PCDH15: variants seen among roughly 807,000 people sequenced by gnomAD.
The protein encoded by PCDH15 is protocadherin-15.
PCDH15 carries 129 observed loss-of-function variants against 178.5 expected under a neutral mutation model. The ratio of observed to expected loss-of-function variants is 0.72; its 90% CI spans 0.63 to 0.84. The LOEUF is 0.84. Ranked by LOEUF, PCDH15 falls within the 40% of genes least tolerant of loss-of-function variation. The probability of loss-of-function intolerance (pLI) is 0.00; values close to 1 mark genes in which losing one functional copy is unlikely to be tolerated. For synonymous variants in PCDH15, 800 were observed against 732.0 expected, an observed-to-expected ratio of 1.09 and a Z score of -1.50; for missense variants, 2,230 against 2,099.9, an observed-to-expected ratio of 1.06 and a Z score of -1.21.
At chr10:54,515,359 A>G (rs1459622531) in intron 3 of PCDH15, among the ~76,000 whole-genome samples, 1 of 152,218 alleles carries the variant, frequency 6.6e-6, no homozygotes, top group African/African-American at 2.4e-5. Context: ...TCCTATGCCC[A>G]TGGAGTCTCG....
chr10:54,110,841 TA>T (rs1564443447), intron 15 of PCDH15, among the ~76,000 whole-genome samples: 1 of 152,232 alleles, frequency 6.6e-6, no homozygotes, highest in Non-Finnish European at 1.5e-5. Flanking sequence ...CTATGGTTTT[TA>T]AAAAAGTATT....
At chr10:54,014,267 C>A (rs76798571) in intron 20 of PCDH15, among the ~76,000 whole-genome samples, 256 of 152,148 alleles carry the variant, frequency 1.7e-3, no homozygotes, top group Admixed American at 3.6e-3. Context: ...GAAATTGAAT[C>A]AGTAAATAAA....
At chr10:55,460,411 C>A (rs996373840) in intron 2 of PCDH15, among the ~76,000 whole-genome samples, 17 of 151,874 alleles carry the variant, frequency 1.1e-4, no homozygotes, top group African/African-American at 4.1e-4. Context: ...GTAGGAACCT[C>A]CTTCGAGAAT....
At chr10:55,471,231 C>T (rs1225944984) in intron 2 of PCDH15, among the ~76,000 whole-genome samples, 1 of 152,010 alleles carries the variant, frequency 6.6e-6, no homozygotes, top group East Asian at 1.9e-4. Context: ...TTTATAGATT[C>T]ACATATACAA....
intron 2 of PCDH15, among the ~76,000 whole-genome samples, chr10:55,121,377 T>G (rs1481949442): frequency 6.6e-6 from 1 of 150,576 alleles, no homozygotes; most frequent in East Asian, 2.0e-4. Flanking sequence ...GCAATTTGCC[T>G]TAGGATGACT....
At chr10:55,037,425 G>T (rs1156902204) in intron 2 of PCDH15, among the ~76,000 whole-genome samples, 1 of 151,952 alleles carries the variant, frequency 6.6e-6, no homozygotes, top group Non-Finnish European at 1.5e-5. Context: ...GGAGAGACAG[G>T]GTTTCACCAT....
At chr10:53,960,645 T>G (rs965534073) in intron 22 of PCDH15, among the ~76,000 whole-genome samples, 3 of 152,200 alleles carry the variant, frequency 2.0e-5, no homozygotes, top group Non-Finnish European at 4.4e-5. Context: ...TTTTGGAAGC[T>G]GCAGGTTAAC....
At chr10:53,927,611 T>C (rs2084680778) in intron 25 of PCDH15, among the ~76,000 whole-genome samples, 1 of 152,134 alleles carries the variant, frequency 6.6e-6, no homozygotes, top group Admixed American at 6.5e-5. Context: ...CAGCGTTTCT[T>C]TGAAAGCATT....
In PCDH15 at chr10:54,067,039, A is replaced by G. The variant is rs145936940; in HGVS notation, c.2092-154T>C. ...AAAATAAAAATAAAAAAATAAAAAAATTAAAAAAAAGAAGCTTGCAAAGAA... is the reference window on the plus strand; with the variant it reads ...AAAATAAAAATAAAAAAATAAAAAAGTTAAAAAAAAGAAGCTTGCAAAGAA... On this transcript the variant is annotated intron_variant, in intron 17 of 37. Coordinates refer to ENST00000644397, the MANE Select transcript of PCDH15 (RefSeq NM_001384140.1). Among the ~76,000 whole-genome samples, 1,659 of 152,152 alleles carry G rather than the reference A, an allele frequency of 0.011. 31 individuals carry two copies. The highest frequency in any genetic ancestry group is 0.038 in the African/African-American group (1,585 of 41,560).
At chr10:53,903,414 T>A in intron 25 of PCDH15, 44 bp from the exon 26 acceptor site, 1 of 1,606,952 alleles carries the variant, frequency 6.2e-7, no homozygotes. Context: ...TGGTTATTCA[T>A]GGGGGAAAAA....
chr10:54,845,035 T>A (rs1953481923), intron 3 of PCDH15, among the ~76,000 whole-genome samples: 1 of 152,024 alleles, frequency 6.6e-6, no homozygotes, highest in Non-Finnish European at 1.5e-5. Flanking sequence ...AATTAAGATT[T>A]ATAATTTTAA....
At chr10:53,929,080 A>G (rs1371544131) in intron 25 of PCDH15, among the ~76,000 whole-genome samples, 3 of 152,052 alleles carry the variant, frequency 2.0e-5, no homozygotes, top group Non-Finnish European at 4.4e-5. Context: ...GCAGAAATGT[A>G]ATATTTTTCT....
intron 3 of PCDH15, among the ~76,000 whole-genome samples, chr10:54,524,289 C>A (rs2083168499): frequency 6.6e-6 from 1 of 152,282 alleles, no homozygotes; most frequent in Admixed American, 6.5e-5. Flanking sequence ...GGTGGGTTTT[C>A]TAATCTCTCA....
At chr10:53,976,752 T>G (rs761071962) in intron 21 of PCDH15, among the ~76,000 whole-genome samples, 1 of 152,108 alleles carries the variant, frequency 6.6e-6, no homozygotes, top group Admixed American at 6.6e-5. Context: ...AAATGAATAC[T>G]ACAACTGATT....
chr10:54,374,855 C>A (rs1194688407), intron 4 of PCDH15, among the ~76,000 whole-genome samples: 1 of 151,812 alleles, frequency 6.6e-6, no homozygotes, highest in Non-Finnish European at 1.5e-5. Flanking sequence ...TATTTTTATT[C>A]TTTATATTCT....
chr10:55,296,416 A>G (rs1843134212), intron 1 of PCDH15, among the ~76,000 whole-genome samples: 1 of 152,316 alleles, frequency 6.6e-6, no homozygotes, highest in African/African-American at 2.4e-5. Context: ...TCTTATTAGC[A>G]TAACCTTGGA....
At chr10:55,174,369 T>C (rs7092799) in intron 1 of PCDH15, among the ~76,000 whole-genome samples, 1 of 151,886 alleles carries the variant, frequency 6.6e-6, no homozygotes, top group African/African-American at 2.4e-5. Context: ...TGAGAACTTC[T>C]ATCCTCATCT....
intron 3 of PCDH15, among the ~76,000 whole-genome samples, chr10:54,406,420 C>G (rs7071080): frequency 0.052 from 7,937 of 152,112 alleles, 698 homozygotes; most frequent in African/African-American, 0.18. Flanking sequence ...ATATTTCAGG[C>G]CTTGTGGGAC....
intron 2 of PCDH15, among the ~76,000 whole-genome samples, chr10:55,007,086 T>G (rs1162502927): frequency 6.6e-6 from 1 of 152,174 alleles, no homozygotes. Flanking sequence ...TGCTTGCTCC[T>G]GTTTCATCTT....
Sources: gnomAD v4.1 joint callset for allele counts (sites outside exome capture counted in the v4.1 genomes callset) on GRCh38, gnomAD v4.1.1 for gene constraint, MANE v1.5 for transcripts, NCBI Gene and HGNC (gene_info 2026-07-23, HGNC 2026-07-21) for gene names.